UNC5A: variants seen among roughly 807,000 people sequenced by gnomAD.
UNC5A encodes netrin receptor UNC5A.
A neutral mutation model predicts 87.4 loss-of-function variants in UNC5A; 20 were observed. That is an observed-to-expected ratio of 0.23 (90% confidence interval 0.16 to 0.33). The LOEUF (loss-of-function observed/expected upper bound fraction) is 0.33, where lower values mean the gene tolerates loss of function less well. Among genes scored for constraint, UNC5A ranks in the 10% least tolerant of loss-of-function variants. The probability of loss-of-function intolerance (pLI) is 1.00; values close to 1 mark genes in which losing one functional copy is unlikely to be tolerated. For synonymous variants in UNC5A, 438 were observed against 482.3 expected (o/e 0.91, Z 1.20); for missense variants, 844 against 1,133.4 (o/e 0.74, Z 3.67).
At chr5:176,857,142 C>T (rs370226606) in intron 1 of UNC5A, among the ~76,000 whole-genome samples, 2 of 152,228 alleles carry the variant, frequency 1.3e-5, no homozygotes, top group African/African-American at 4.8e-5. Flanking sequence ...CCCCTTCTAC[C>T]TTCTCTGCTG....
At position 176,841,972 on chromosome 5, in the gene UNC5A, C is replaced by T. The variant is rs915241218; in HGVS notation, c.71-20652C>T. Among the ~76,000 whole-genome samples, 4 of 151,982 alleles carry T rather than the reference C, an allele frequency of 2.6e-5. No individual in the cohort carries two copies. Among genetic ancestry groups the T allele is most frequent in the East Asian group, 1.9e-4 (1 of 5,188 alleles). ...CAGCACTTTGGGAGGCCGAGGTGGGCGGATCACGAGGTCAGGAGATCGAGA... is the reference window on the plus strand; with the variant it reads ...CAGCACTTTGGGAGGCCGAGGTGGGTGGATCACGAGGTCAGGAGATCGAGA... On this transcript the variant is annotated intron_variant, in intron 1 of 14. Coordinates refer to ENST00000329542, the MANE Select transcript of UNC5A (RefSeq NM_133369.3). This position sits in a 1 kb window ranked among gnomAD's most constrained non-coding sequence, Gnocchi z 4.1.
At position 176,877,655 on chromosome 5, in the gene UNC5A, C is replaced by G. The variant is rs1481703054; in HGVS notation, c.1587C>G (p.Asp529Glu). 5 of 1,611,240 alleles carry G rather than the reference C, an allele frequency of 3.1e-6. No homozygotes were observed. Among genetic ancestry groups the G allele is most frequent in the African/African-American group, 2.7e-5 (2 of 74,918 alleles). Residue 529 changes from aspartate (D) to glutamate (E), a missense_variant, in exon 10 of 15, where the codon GAC becomes GAG. By Grantham distance (45) the Asp-to-Glu change is conservative. This residue lies in a region of UNC5A where 353 missense variants were observed against 387.5 expected (regional missense o/e 0.91). Coordinates refer to ENST00000329542, the MANE Select transcript of UNC5A (RefSeq NM_133369.3). ...AMDHCGEPSP[D>E]SWSLRLKKQS... is the part of the protein sequence containing the mutation. ...ACCACTGTGGGGAGCCCAGCCCTGA[C>G]AGCTGGAGCCTGCGCCTCAAAAAGC...
chr5:176,860,080 C>T (rs1757796611), intron 1 of UNC5A, among the ~76,000 whole-genome samples: 1 of 152,230 alleles, frequency 6.6e-6, no homozygotes, highest in Non-Finnish European at 1.5e-5. Context: ...CGCACACCCC[C>T]TCCCTGCCCC....
At chr5:176,833,640 C>T (rs901616688) in intron 1 of UNC5A, among the ~76,000 whole-genome samples, 3 of 152,206 alleles carry the variant, frequency 2.0e-5, no homozygotes, top group Non-Finnish European at 2.9e-5. Flanking sequence ...CAAGCATAGC[C>T]CATGAGTCTC....
rs866169933 is a variant in UNC5A, at chr5:176,842,397, A to T, written c.71-20227A>T. On this transcript the variant is annotated intron_variant, in intron 1 of 14. Coordinates refer to ENST00000329542, the MANE Select transcript of UNC5A (RefSeq NM_133369.3). ...GAAAAGAAGTTATTATACAGAAAAGATGCTTGCACACACATGTTTATAGCA... is the reference window on the plus strand; with the variant it reads ...GAAAAGAAGTTATTATACAGAAAAGTTGCTTGCACACACATGTTTATAGCA... 3.3e-5 allele frequency among the ~76,000 whole-genome samples: 5 copies of T among 152,312 alleles called. No individual in the cohort carries two copies. The South Asian group carries it at 1.0e-3, about 32-fold the overall frequency.
At chr5:176,820,877 T>C (rs1254324158) in intron 1 of UNC5A, among the ~76,000 whole-genome samples, 1 of 152,178 alleles carries the variant, frequency 6.6e-6, no homozygotes, top group Non-Finnish European at 1.5e-5. Flanking sequence ...CTTGACCTGG[T>C]TCTTTTCCAG....
chr5:176,848,645 G>T lies in UNC5A; in HGVS notation c.71-13979G>T, dbSNP rs1414172138. ...GGCAGCAGGGCCCAGGCTCCTTCCC[G>T]CCCAAATTTGGAATAGGAAGGCTGG... On this transcript the variant is annotated intron_variant, in intron 1 of 14. Transcript: ENST00000329542. This position sits in a 1 kb window ranked among gnomAD's most constrained non-coding sequence, Gnocchi z 5.8. 6.6e-6 allele frequency among the ~76,000 whole-genome samples: 1 copy of T among 152,056 alleles called. No homozygotes were observed. Among genetic ancestry groups the T allele is most frequent in the East Asian group, 1.9e-4 (1 of 5,182 alleles).
At chr5:176,836,858 A>G (rs1199965488) in intron 1 of UNC5A, among the ~76,000 whole-genome samples, 1 of 152,230 alleles carries the variant, frequency 6.6e-6, no homozygotes, top group Non-Finnish European at 1.5e-5. Context: ...AATTGCTTCC[A>G]GAAAGGTTTA....
At position 176,875,639 on chromosome 5, in the gene UNC5A, C is replaced by A. The variant is rs929290635; in HGVS notation, c.1378+1073C>A. The stretch of plus-strand genomic sequence containing the variant: ...GAGTTGATCATGACCCTCTCGTGCT[C>A]GAATCCCTTCTGGGCTCCCCTCTGC... On this transcript the variant is annotated intron_variant, in intron 8 of 14. Transcript: ENST00000329542. This position sits in a 1 kb window ranked among gnomAD's most constrained non-coding sequence, Gnocchi z 5.2. Among the ~76,000 whole-genome samples, 10 of 152,190 alleles carry A rather than the reference C, an allele frequency of 6.6e-5. No individual in the cohort carries two copies. Among genetic ancestry groups the A allele is most frequent in the African/African-American group, 2.4e-4 (10 of 41,430 alleles).
In UNC5A at chr5:176,878,791, T is replaced by G. The variant is rs965925063; in HGVS notation, c.2184+152T>G. 2.7e-5 allele frequency: 28 copies of G among 1,055,846 alleles called. No homozygotes were observed. In the African/African-American group the frequency reaches 4.5e-4, roughly 17 times the overall value. The allele number at this position is 1,055,846 out of a possible 1,614,324, so 65.4% of individuals were successfully genotyped here. A position where few individuals can be genotyped will look rare whatever the true frequency, so the allele number is the denominator to read the frequency against. On this transcript the variant is annotated intron_variant, in intron 13 of 14. Transcript: ENST00000329542. ...CTCCTCCTAGAAACCCCTTGGCAGC[T>G]TCCTCCCAGACTCAGAGACAGGGAG...
rs1333616205 is a variant in UNC5A at position 176,869,904 on chromosome 5, G to C, written c.722-466G>C. 2 of 581,724 alleles carry C rather than the reference G, an allele frequency of 3.4e-6. No homozygotes were observed. The highest frequency in any genetic ancestry group is 6.1e-6 in the Non-Finnish European group (2 of 325,442). The allele number at this position is 581,724 out of a possible 1,614,324, so 36.0% of individuals were successfully genotyped here. A position where few individuals can be genotyped will look rare whatever the true frequency, so the allele number is the denominator to read the frequency against. On this transcript the variant is annotated intron_variant, in intron 5 of 14. Coordinates refer to ENST00000329542, the MANE Select transcript of UNC5A (RefSeq NM_133369.3). The surrounding 1 kb of genome is among the most constrained non-coding windows in gnomAD (Gnocchi z 9.1). The stretch of plus-strand genomic sequence containing the variant: ...CCACCCACCCGCCACGCAGGGCCAG[G>C]CTCAGTCTGAGGCGGGGATCGGGGT...
At position 176,824,556 on chromosome 5, in the gene UNC5A, TA is replaced by T. The variant is rs200636371; in HGVS notation, c.70+13746del. On this transcript the variant is annotated intron_variant, in intron 1 of 14. Transcript: ENST00000329542. The surrounding 1 kb of genome is among the most constrained non-coding windows in gnomAD (Gnocchi z 4.2). ...CCCCCACGCGGCAGATAGAACATTC[TA>T]AAAAAAAAAGAGAGAAAGAGAGAGA... Among the ~76,000 whole-genome samples, 47 of 145,754 alleles carry T rather than the reference TA, an allele frequency of 3.2e-4. No individual in the cohort carries two copies. Among genetic ancestry groups the T allele is most frequent in the Non-Finnish European group, 5.7e-4 (38 of 66,154 alleles).
chr5:176,837,456 A>G (rs1757173786), intron 1 of UNC5A, among the ~76,000 whole-genome samples: 1 of 152,118 alleles, frequency 6.6e-6, no homozygotes, highest in Non-Finnish European at 1.5e-5. Context: ...GGCCGGCTGA[A>G]TAGGAGCTGA....
Position 176,838,568 on chromosome 5 carries a change from G to A in UNC5A, c.71-24056G>A, listed in dbSNP as rs1020355543. 6.6e-6 allele frequency among the ~76,000 whole-genome samples: 1 copy of A among 152,268 alleles called. No homozygotes were observed. Among genetic ancestry groups the A allele is most frequent in the African/African-American group, 2.4e-5 (1 of 41,480 alleles). On this transcript the variant is annotated intron_variant, in intron 1 of 14. Coordinates refer to ENST00000329542, the MANE Select transcript of UNC5A (RefSeq NM_133369.3). The surrounding 1 kb of genome is among the most constrained non-coding windows in gnomAD (Gnocchi z 4.2). ...AAAGGTACAGCTGACTTCAGGCAAA[G>A]CCTGATGCGCTGGCTCAGACAACAG...
chr5:176,827,565 T>C (rs1756885673), intron 1 of UNC5A, among the ~76,000 whole-genome samples: 1 of 152,210 alleles, frequency 6.6e-6, no homozygotes, highest in Non-Finnish European at 1.5e-5. Flanking sequence ...TGGTAGACAT[T>C]TGGGTCGTTT....
intron 2 of UNC5A, among the ~76,000 whole-genome samples, chr5:176,864,482 C>T (rs1486658040): frequency 1.3e-5 from 2 of 152,334 alleles, no homozygotes; most frequent in Non-Finnish European, 2.9e-5. Context: ...CTGAGGTGAG[C>T]TGAAGAGCCC....
chr5:176,830,894 T>C (rs7443051), intron 1 of UNC5A, among the ~76,000 whole-genome samples: 1 of 34,292 alleles, frequency 2.9e-5, no homozygotes, highest in Admixed American at 3.8e-4. Context: ...GTGTATGTGC[T>C]GGCGTGTGTG....
chr5:176,857,115 C>T (rs1757686877), intron 1 of UNC5A, among the ~76,000 whole-genome samples: 4 of 152,260 alleles, frequency 2.6e-5, no homozygotes, highest in Non-Finnish European at 4.4e-5. Flanking sequence ...TCTCACCCGC[C>T]CCTTTCTGAA....
intron 1 of UNC5A, among the ~76,000 whole-genome samples, chr5:176,833,103 C>G (rs1757066135): frequency 6.6e-6 from 1 of 152,192 alleles, no homozygotes; most frequent in Admixed American, 6.5e-5. Flanking sequence ...CCTCTCAGGC[C>G]GAGGCCAAGT....
Sources: gnomAD v4.1 joint callset for allele counts (sites outside exome capture counted in the v4.1 genomes callset) on GRCh38, gnomAD v4.1.1 for gene constraint, gnomAD v4.1.1 regional missense constraint, Gnocchi (gnomAD v3.1) non-coding constraint, MANE v1.5 for transcripts, NCBI Gene and HGNC (gene_info 2026-07-23, HGNC 2026-07-21) for gene names.